CADPS: variants seen among roughly 807,000 people sequenced by gnomAD.
The protein encoded by CADPS is calcium-dependent secretion activator 1.
In CADPS, 57 loss-of-function variants were observed where a neutral mutation model predicts 167.3. The ratio of observed to expected loss-of-function variants is 0.34; its 90% CI spans 0.28 to 0.42. The LOEUF is 0.42. Ranked by LOEUF, CADPS falls within the 20% of genes least tolerant of loss-of-function variation. The probability of loss-of-function intolerance (pLI) is 1.00; values close to 1 mark genes in which losing one functional copy is unlikely to be tolerated. For synonymous variants in CADPS, 676 were observed against 635.3 expected (o/e 1.06, Z -0.96); for missense variants, 1,414 against 1,738.1 (o/e 0.81, Z 3.32).
chr3:62,454,166 T>C (rs1386804285), intron 26 of CADPS, among the ~76,000 whole-genome samples: 1 of 152,204 alleles, frequency 6.6e-6, no homozygotes, highest in African/African-American at 2.4e-5. Flanking sequence ...TTTCAGATAA[T>C]GGAAAAGAGA....
Position 62,662,675 on chromosome 3 carries a change from A to AC in CADPS, c.889-282dup, listed in dbSNP as rs541208241. On this transcript the variant is annotated intron_variant, in intron 3 of 29. Transcript: ENST00000383710. ...TTGGGCAGCAGTGTTTCTAATGAGG[A>AC]CCAATGCACACTTCTTTTTGGCCCA... Among the ~76,000 whole-genome samples, 78 of 152,300 alleles carry AC rather than the reference A, an allele frequency of 5.1e-4. No homozygotes were observed. The South Asian group carries it at 5.4e-3, about 11-fold the overall frequency.
At chr3:62,434,462 A>G (rs898228131) in intron 28 of CADPS, among the ~76,000 whole-genome samples, 1 of 152,316 alleles carries the variant, frequency 6.6e-6, no homozygotes, top group East Asian at 1.9e-4. Context: ...AAGGAATCTT[A>G]ATGGCAAAAG....
chr3:62,449,949 T>C (rs963030588), intron 26 of CADPS, among the ~76,000 whole-genome samples: 1 of 152,178 alleles, frequency 6.6e-6, no homozygotes, highest in African/African-American at 2.4e-5. Context: ...TTAACTTCTC[T>C]GAGCTTCCTT....
chr3:62,585,445 C>A, intron 7 of CADPS, 121 bp from the exon 8 acceptor site: 1 of 950,094 alleles, frequency 1.1e-6, no homozygotes, highest in South Asian at 1.9e-5. Context: ...AGCAGCCATA[C>A]CTGGGGATAG....
At chr3:62,447,744 T>C (rs1366227269) in intron 26 of CADPS, among the ~76,000 whole-genome samples, 1 of 152,192 alleles carries the variant, frequency 6.6e-6, no homozygotes, top group Non-Finnish European at 1.5e-5. Flanking sequence ...AGGAGAATAC[T>C]CTTAGTCCTT....
chr3:62,852,376 T>C (rs945114089), intron 1 of CADPS, among the ~76,000 whole-genome samples: 1 of 152,176 alleles, frequency 6.6e-6, no homozygotes, highest in Admixed American at 6.5e-5. Flanking sequence ...TCGCTCACAC[T>C]GGGAGCTGTA....
chr3:62,650,540 G>A (rs547061156), intron 5 of CADPS, among the ~76,000 whole-genome samples: 1 of 152,236 alleles, frequency 6.6e-6, no homozygotes, highest in East Asian at 1.9e-4. Flanking sequence ...TGTAAAACTG[G>A]CTGCCAAAAT....
intron 1 of CADPS, among the ~76,000 whole-genome samples, chr3:62,825,029 A>G (rs1446767318): frequency 1.3e-5 from 2 of 152,178 alleles, no homozygotes; most frequent in Non-Finnish European, 2.9e-5. Flanking sequence ...TATTTTGTAA[A>G]AGAAAATCAC....
At chr3:62,830,097 A>T (rs574263760) in intron 1 of CADPS, among the ~76,000 whole-genome samples, 2 of 151,796 alleles carry the variant, frequency 1.3e-5, no homozygotes, top group Non-Finnish European at 2.9e-5. Context: ...CTCTATGAAG[A>T]CTCCTATCAC....
intron 26 of CADPS, among the ~76,000 whole-genome samples, chr3:62,460,249 A>C (rs1210744673): frequency 6.6e-6 from 1 of 152,244 alleles, no homozygotes; most frequent in Non-Finnish European, 1.5e-5. Context: ...TCCGGCACAT[A>C]GTATGTGTTC....
At chr3:62,835,572 T>TGTATTATGAATTA in intron 1 of CADPS, among the ~76,000 whole-genome samples, 2 of 152,148 alleles carry the variant, frequency 1.3e-5, no homozygotes, top group Admixed American at 1.3e-4. Context: ...TGTATACACC[T>TGTATTATGAATTA]TGTAATCATG....
chr3:62,471,324 G>A (rs1175229327), intron 24 of CADPS, among the ~76,000 whole-genome samples: 3 of 152,114 alleles, frequency 2.0e-5, no homozygotes, highest in Admixed American at 6.5e-5. Context: ...AAGTCAACTT[G>A]GTCTTTCTCA....
chr3:62,478,273 G>C lies in CADPS; in HGVS notation c.3317C>G (p.Ser1106Cys). 1 of 1,613,798 alleles carries C rather than the reference G, an allele frequency of 6.2e-7. No homozygotes were observed. Among genetic ancestry groups the C allele is most frequent in the Non-Finnish European group, 8.5e-7 (1 of 1,179,814 alleles). ...LKLMASDMIE[S>C]CVKRTRIAFE... The stretch of plus-strand genomic sequence containing the variant: ...CACCTATACTTACCTTTTGACACAA[G>C]ATTCGATCATGTCACTTGCCATCAA... The change falls in exon 23 of 30, where the codon TCT (serine) becomes TGT (cysteine). Residue 1106 changes from serine to cysteine, a missense_variant. Transcript: ENST00000383710. This position sits in a 1 kb window ranked among gnomAD's most constrained non-coding sequence, Gnocchi z 5.7.
intron 1 of CADPS, among the ~76,000 whole-genome samples, chr3:62,850,464 G>C (rs1172317208): frequency 8.5e-6 from 1 of 117,896 alleles, no homozygotes; most frequent in African/African-American, 3.1e-5. Flanking sequence ...AGAGATTCTG[G>C]TATGTTGTGT....
intron 11 of CADPS, among the ~76,000 whole-genome samples, chr3:62,546,990 T>C (rs1318297793): frequency 6.6e-6 from 1 of 152,222 alleles, no homozygotes; most frequent in Non-Finnish European, 1.5e-5. Flanking sequence ...GTAAAATTCC[T>C]GGTTCCTTTC....
intron 11 of CADPS, among the ~76,000 whole-genome samples, chr3:62,547,731 T>G (rs1446632545): frequency 6.6e-6 from 1 of 151,996 alleles, no homozygotes; most frequent in African/African-American, 2.4e-5. Flanking sequence ...TAACAACTAG[T>G]GTTCTAATTT....
At chr3:62,503,178 T>G (rs1415095092) in intron 17 of CADPS, among the ~76,000 whole-genome samples, 2 of 152,114 alleles carry the variant, frequency 1.3e-5, no homozygotes, top group African/African-American at 4.8e-5. Flanking sequence ...CTTCGTACAA[T>G]GAAGAACACC....
intron 6 of CADPS, among the ~76,000 whole-genome samples, chr3:62,607,349 G>A (rs796384948): frequency 2.6e-5 from 4 of 152,276 alleles, no homozygotes; most frequent in African/African-American, 9.6e-5. Context: ...CTAGGTTCCC[G>A]AATAAGCAAG....
At chr3:62,827,571 T>A (rs534450074) in intron 1 of CADPS, among the ~76,000 whole-genome samples, 3 of 152,328 alleles carry the variant, frequency 2.0e-5, no homozygotes, top group Non-Finnish European at 4.4e-5. Context: ...CTAGCAGTTA[T>A]GCTGTGTATG....
Sources: gnomAD v4.1 joint callset for allele counts (sites outside exome capture counted in the v4.1 genomes callset) on GRCh38, gnomAD v4.1.1 for gene constraint, Gnocchi (gnomAD v3.1) non-coding constraint, MANE v1.5 for transcripts, NCBI Gene and HGNC (gene_info 2026-07-23, HGNC 2026-07-21) for gene names.